PHEX: variants seen among roughly 807,000 people sequenced by gnomAD.
The protein encoded by PHEX is phosphate-regulating neutral endopeptidase PHEX.
Under a neutral mutation model 68.0 loss-of-function variants are expected in PHEX, and 16 were observed. The observed-to-expected ratio is 0.24, with a 90% CI of 0.16 to 0.36. The LOEUF is 0.36. Among genes scored for constraint, PHEX ranks in the 10% least tolerant of loss-of-function variants. The pLI is 1.00. For missense variants in PHEX, 480 were observed against 575.5 expected, an observed-to-expected ratio of 0.83 and a Z score of 1.70; for synonymous variants, 208 against 205.1, an observed-to-expected ratio of 1.01 and a Z score of -0.12.
rs777028544 is a variant in PHEX at position 22,240,887 on chromosome X, C to G, written c.2071-4446C>G. Among the ~76,000 whole-genome samples the G allele has an allele frequency of 5.1e-4, 57 of 111,645 alleles. No individual in the cohort carries two copies. In the Middle Eastern group the frequency reaches 0.032, roughly 63 times the overall value. ...AGACAAAATTAATTAACAAGGATAT[C>G]CAGGGCTTGAACTCAGCTCTGGACC... On this transcript the variant is annotated intron_variant, in intron 20 of 21. Coordinates refer to ENST00000379374, the MANE Select transcript of PHEX (RefSeq NM_000444.6).
intron 20 of PHEX, among the ~76,000 whole-genome samples, chrX:22,232,512 C>T (rs781343502): frequency 6.6e-5 from 7 of 105,950 alleles, no homozygotes; most frequent in Non-Finnish European, 1.2e-4. Context: ...GACCCCTTTA[C>T]GATTATGTAA....
chrX:22,038,543 TCA>T lies in PHEX; in HGVS notation c.187+9_187+10del, dbSNP rs777347194. ...GCCAGAATGCATCGAAGCGGGTAAG[TCA>T]CAGTTTTCCATCCTGTGTCAAGTTA... is the stretch of plus-strand genomic sequence containing the variant. On this transcript the variant is annotated splice_region_variant and intron_variant, in intron 2 of 21. Transcript: ENST00000379374. 1.8e-4 allele frequency: 202 copies of T among 1,130,179 alleles called. No individual in the cohort carries two copies. Among genetic ancestry groups the T allele is most frequent in the South Asian group, 1.3e-3 (71 of 55,003 alleles). The allele number at this position is 1,130,179 out of a possible 1,213,427, so 93.1% of individuals were successfully genotyped here.
At chrX:22,238,399 C>A (rs1159288608) in intron 20 of PHEX, among the ~76,000 whole-genome samples, 2 of 111,625 alleles carry the variant, frequency 1.8e-5, no homozygotes, top group African/African-American at 6.5e-5. Context: ...ACAGTGCACT[C>A]CAGCCCAGCT....
At position 22,249,653 on chromosome X, in the gene PHEX, G is replaced by A. The variant is rs1277447521; in HGVS notation, c.*1700G>A. On this transcript the variant is annotated 3_prime_UTR_variant, in exon 22 of 22. Transcript: ENST00000379374. ...CTCTGAATGGATAAACTTGTGAAGG[G>A]CAGCTACCTTGTCCTCCTCTTAACC... is the stretch of plus-strand genomic sequence containing the variant. 9.5e-6 allele frequency: 1 copy of A among 105,806 alleles called. No homozygotes were observed. The highest frequency in any genetic ancestry group is 1.9e-5 in the Non-Finnish European group (1 of 51,848). The allele number at this position is 105,806 out of a possible 1,213,427, so 8.7% of individuals were successfully genotyped here.
chrX:22,042,048 G>C (rs766819898), intron 2 of PHEX, among the ~76,000 whole-genome samples: 1 of 111,585 alleles, frequency 9.0e-6, no homozygotes, highest in African/African-American at 3.3e-5. Flanking sequence ...GTGTGCCCAG[G>C]GGTCTGCAGA....
intron 18 of PHEX, among the ~76,000 whole-genome samples, chrX:22,224,167 G>A (rs141091403): frequency 0.022 from 2,445 of 111,359 alleles, 31 homozygotes; most frequent in Middle Eastern, 0.06. Flanking sequence ...ATTTTTAATA[G>A]ATACGGGGTT....
intron 3 of PHEX, among the ~76,000 whole-genome samples, chrX:22,051,024 T>G (rs773931196): frequency 2.7e-5 from 3 of 111,745 alleles, no homozygotes; most frequent in Non-Finnish European, 5.6e-5. Context: ...ATTAAGATTG[T>G]GCTGGCCTTG....
intron 15 of PHEX, among the ~76,000 whole-genome samples, chrX:22,202,223 C>T (rs1170269079): frequency 8.9e-6 from 1 of 111,952 alleles, no homozygotes; most frequent in Non-Finnish European, 1.9e-5. Context: ...ATTACATATT[C>T]TTCCAAGTCA....
At chrX:22,170,290 T>A (rs1933478629) in intron 13 of PHEX, among the ~76,000 whole-genome samples, 1 of 111,325 alleles carries the variant, frequency 9.0e-6, no homozygotes, top group Non-Finnish European at 1.9e-5. Flanking sequence ...ATACTATTGG[T>A]ATATATTCTG....
chrX:22,236,436 A>AGTT (rs1264160776), intron 20 of PHEX, among the ~76,000 whole-genome samples: 2 of 113,001 alleles, frequency 1.8e-5, no homozygotes, highest in African/African-American at 3.2e-5. Flanking sequence ...TATTGAAGAC[A>AGTT]GTTGATATTT....
intron 20 of PHEX, among the ~76,000 whole-genome samples, chrX:22,237,371 G>A (rs1271394257): frequency 1.8e-5 from 2 of 111,667 alleles, no homozygotes; most frequent in Non-Finnish European, 3.8e-5. Flanking sequence ...TTCATCAAAA[G>A]CAACAACATC....
At chrX:22,056,943 T>A (rs1444870891) in intron 3 of PHEX, among the ~76,000 whole-genome samples, 1 of 109,951 alleles carries the variant, frequency 9.1e-6, no homozygotes, top group Non-Finnish European at 1.9e-5. Context: ...CCTGAAAATA[T>A]GGCTAGGTGG....
At chrX:22,221,249 T>G (rs1223234246) in intron 17 of PHEX, among the ~76,000 whole-genome samples, 2 of 112,130 alleles carry the variant, frequency 1.8e-5, no homozygotes, top group African/African-American at 3.2e-5. Flanking sequence ...ATGCTCTGAT[T>G]GCCTCCATGG....
chrX:22,210,130 C>T (rs370780972), intron 15 of PHEX, among the ~76,000 whole-genome samples: 2 of 111,808 alleles, frequency 1.8e-5, no homozygotes, highest in East Asian at 5.6e-4. Context: ...AGGATTCCAT[C>T]TATCACTCTA....
chrX:22,069,643 C>A lies in PHEX; in HGVS notation c.350-6745C>A, dbSNP rs768791895. 3.5e-4 allele frequency among the ~76,000 whole-genome samples: 39 copies of A among 111,955 alleles called. 1 individual carries two copies. The highest frequency in any genetic ancestry group is 3.4e-3 in the Admixed American group (36 of 10,515). On this transcript the variant is annotated intron_variant, in intron 3 of 21. Transcript: ENST00000379374. Reference sequence around the variant, plus strand: ...AACCAACAATTATCATTTATAAGATCATAAAAAATGAACAGAGAAAATAAT... The same window carrying A: ...AACCAACAATTATCATTTATAAGATAATAAAAAATGAACAGAGAAAATAAT...
chrX:22,071,768 A>G (rs1928910346), intron 3 of PHEX, among the ~76,000 whole-genome samples: 1 of 113,005 alleles, frequency 8.8e-6, no homozygotes, highest in Non-Finnish European at 1.9e-5. Flanking sequence ...GATGGACTGT[A>G]GATCTAAATG....
chrX:22,074,450 C>T (rs1305373278), intron 3 of PHEX, among the ~76,000 whole-genome samples: 1 of 110,728 alleles, frequency 9.0e-6, no homozygotes, highest in Non-Finnish European at 1.9e-5. Context: ...TTAGCATCTG[C>T]TGATCCTCTT....
intron 14 of PHEX, among the ~76,000 whole-genome samples, chrX:22,185,156 A>G (rs1933988778): frequency 8.9e-6 from 1 of 111,890 alleles, no homozygotes; most frequent in Non-Finnish European, 1.9e-5. Context: ...GGGATTTGAA[A>G]TTTCTATGAG....
At chrX:22,071,502 C>CT in intron 3 of PHEX, among the ~76,000 whole-genome samples, 1 of 111,875 alleles carries the variant, frequency 8.9e-6, no homozygotes, top group Non-Finnish European at 1.9e-5. Flanking sequence ...TAAGCACCAG[C>CT]CATGCCAAGC....
Sources: gnomAD v4.1 joint callset for allele counts (sites outside exome capture counted in the v4.1 genomes callset) on GRCh38, gnomAD v4.1.1 for gene constraint, MANE v1.5 for transcripts, NCBI Gene and HGNC (gene_info 2026-07-23, HGNC 2026-07-21) for gene names.